The following ABCC4 variants were observed in gnomAD, a reference collection of about 807,000 sequenced individuals.
ABCC4 encodes the protein ATP-binding cassette sub-family C member 4.
Under a neutral mutation model 168.5 loss-of-function variants are expected in ABCC4, and 102 were observed. That is an observed-to-expected ratio of 0.61 (90% CI 0.52 to 0.71). The LOEUF (loss-of-function observed/expected upper bound fraction) is 0.71. ABCC4 is among the 30% of genes least tolerant of loss of function. The probability of loss-of-function intolerance (pLI) is 0.00; values close to 1 mark genes in which losing one functional copy is unlikely to be tolerated. For missense variants in ABCC4, 1,402 were observed against 1,605.8 expected, an observed-to-expected ratio of 0.87 and a Z score of 2.17; for synonymous variants, 617 against 590.7, an observed-to-expected ratio of 1.04 and a Z score of -0.65.
At chr13:95,097,609 T>C (rs1480256422) in intron 20 of ABCC4, among the ~76,000 whole-genome samples, 2 of 147,756 alleles carry the variant, frequency 1.4e-5, no homozygotes, top group African/African-American at 5.0e-5. Flanking sequence ...TTTTTTTTTT[T>C]TTTTTTTCAA....
chr13:95,146,768 T>C (rs2036513611), intron 19 of ABCC4, among the ~76,000 whole-genome samples: 1 of 152,216 alleles, frequency 6.6e-6, no homozygotes, highest in East Asian at 1.9e-4. Flanking sequence ...ACAGAAGTTT[T>C]ATAAGCTTAA....
intron 19 of ABCC4, among the ~76,000 whole-genome samples, chr13:95,142,922 A>G (rs1476822204): frequency 1.3e-5 from 2 of 152,238 alleles, no homozygotes; most frequent in Non-Finnish European, 2.9e-5. Flanking sequence ...AGAAGAAACA[A>G]GGAATAAAAT....
chr13:95,052,528 T>C (rs2032886600), intron 27 of ABCC4, among the ~76,000 whole-genome samples: 2 of 152,200 alleles, frequency 1.3e-5, no homozygotes, highest in African/African-American at 2.4e-5. Context: ...AAAAATCCTC[T>C]AGAAATCAAC....
chr13:95,269,220 A>C, intron 1 of ABCC4: 1 of 448,622 alleles, frequency 2.2e-6, no homozygotes, highest in Non-Finnish European at 4.5e-6. Context: ...GGTTGACTAG[A>C]AGTCAGGGTG....
At chr13:95,215,926 C>CAAACA (rs375837747) in intron 4 of ABCC4, among the ~76,000 whole-genome samples, 2 of 132,604 alleles carry the variant, frequency 1.5e-5, no homozygotes, top group African/African-American at 5.4e-5. Context: ...AACAAACAAA[C>CAAACA]AACAACAACA....
At chr13:95,086,033 T>C (rs1470258375) in intron 20 of ABCC4, among the ~76,000 whole-genome samples, 1 of 151,962 alleles carries the variant, frequency 6.6e-6, no homozygotes, top group Admixed American at 6.6e-5. Flanking sequence ...AATACCGAAA[T>C]ATATCTGTAT....
chr13:95,293,869 C>T (rs2041462865), intron 1 of ABCC4, among the ~76,000 whole-genome samples: 1 of 151,762 alleles, frequency 6.6e-6, no homozygotes. Flanking sequence ...CAGCCTCCAC[C>T]TCCTGGGTTA....
intron 19 of ABCC4, among the ~76,000 whole-genome samples, chr13:95,125,955 G>A (rs2035744408): frequency 6.6e-6 from 1 of 152,170 alleles, no homozygotes. Context: ...TCTCTAGGAC[G>A]ACTGCTCTCA....
intron 20 of ABCC4, among the ~76,000 whole-genome samples, chr13:95,114,043 G>A (rs2035290345): frequency 6.6e-6 from 1 of 152,136 alleles, no homozygotes; most frequent in South Asian, 2.1e-4. Context: ...TTATCCTTTA[G>A]ATAAAACTCC....
At chr13:95,206,391 C>T (rs557415476) in intron 8 of ABCC4, 141 bp downstream of exon 8, 51 of 1,126,904 alleles carry the variant, frequency 4.5e-5, no homozygotes, top group Admixed American at 2.8e-4. Context: ...GGGAAGTACA[C>T]ACAACATTCT....
intron 30 of ABCC4, among the ~76,000 whole-genome samples, chr13:95,034,021 A>C (rs1383870870): frequency 6.6e-6 from 1 of 152,184 alleles, no homozygotes; most frequent in Non-Finnish European, 1.5e-5. Context: ...CTAATTCTAA[A>C]CAACAAAGAA....
chr13:95,214,184 T>C (rs537685280), intron 4 of ABCC4, among the ~76,000 whole-genome samples: 4 of 152,186 alleles, frequency 2.6e-5, no homozygotes, highest in Non-Finnish European at 5.9e-5. Context: ...ATACTTTCCA[T>C]TGATTTATTC....
chr13:95,219,083 A>G (rs115690139), intron 4 of ABCC4, among the ~76,000 whole-genome samples: 10,181 of 152,086 alleles, frequency 0.067, 734 homozygotes, highest in African/African-American at 0.17. Flanking sequence ...TGGGGCAGTC[A>G]ATATACATTG....
At chr13:95,168,904 CA>C (rs1483884919) in intron 14 of ABCC4, among the ~76,000 whole-genome samples, 1 of 151,802 alleles carries the variant, frequency 6.6e-6, no homozygotes, top group East Asian at 1.9e-4. Flanking sequence ...CCTTTTTTTT[CA>C]AAACTGGATT....
chr13:95,284,036 C>T (rs1225081123), intron 1 of ABCC4, among the ~76,000 whole-genome samples: 1 of 151,878 alleles, frequency 6.6e-6, no homozygotes, highest in African/African-American at 2.4e-5. Context: ...CCCGTCTCTA[C>T]TAAAAATACA....
At chr13:95,027,584 G>A (rs1198537473) in intron 30 of ABCC4, among the ~76,000 whole-genome samples, 3 of 152,164 alleles carry the variant, frequency 2.0e-5, no homozygotes, top group African/African-American at 7.2e-5. Flanking sequence ...AAATAACAGA[G>A]GCTTAAGTAT....
chr13:95,287,315 A>G (rs1043323573), intron 1 of ABCC4, among the ~76,000 whole-genome samples: 46 of 151,608 alleles, frequency 3.0e-4, no homozygotes, highest in Middle Eastern at 3.4e-3. Flanking sequence ...CTGGCCAGGG[A>G]TGGTGGCTCA....
chr13:95,157,885 C>G (rs7331317), intron 19 of ABCC4, among the ~76,000 whole-genome samples: 26,012 of 151,710 alleles, frequency 0.17, 2,653 homozygotes, highest in African/African-American at 0.28. Flanking sequence ...TCCTGGCCAA[C>G]ACGGTGAAAC....
chr13:95,077,434 G>A (rs1285652381), intron 21 of ABCC4, among the ~76,000 whole-genome samples: 1 of 152,030 alleles, frequency 6.6e-6, no homozygotes, highest in African/African-American at 2.4e-5. Context: ...AACCTCCCAG[G>A]CTCAAGTGAT....
Sources: allele counts gnomAD v4.1 joint callset (sites outside exome capture counted in the v4.1 genomes callset), GRCh38; gene constraint gnomAD v4.1.1; transcripts MANE v1.5; gene names NCBI Gene and HGNC (gene_info 2026-07-23, HGNC 2026-07-21).